The following LUZP2 variants were observed in gnomAD, a reference collection of about 807,000 sequenced individuals.
LUZP2 encodes the protein leucine zipper protein 2.
A neutral mutation model predicts 51.6 loss-of-function variants in LUZP2; 52 were observed. The observed-to-expected ratio is 1.01, with a 90% confidence interval of 0.81 to 1.27. LUZP2 has a LOEUF of 1.27. LUZP2 is among the 50% of genes most tolerant of loss of function. The pLI is 0.00. For missense variants in LUZP2, 436 were observed against 395.4 expected (o/e 1.10, Z -0.87); for synonymous variants, 154 against 137.3 (o/e 1.12, Z -0.85).
At chr11:24,866,400 A>G (rs1272456211) in intron 5 of LUZP2, among the ~76,000 whole-genome samples, 1 of 152,190 alleles carries the variant, frequency 6.6e-6, no homozygotes, top group South Asian at 2.1e-4. Context: ...GACTATCTCA[A>G]TATGCTATTG....
intron 1 of LUZP2, among the ~76,000 whole-genome samples, chr11:24,723,377 A>G (rs534551119): frequency 1.3e-5 from 2 of 152,354 alleles, no homozygotes; most frequent in East Asian, 1.9e-4. Context: ...ATATATACCC[A>G]GCATAAACGT....
intron 7 of LUZP2, among the ~76,000 whole-genome samples, chr11:24,920,060 A>G (rs570371743): frequency 1.3e-5 from 2 of 151,838 alleles, no homozygotes; most frequent in Non-Finnish European, 2.9e-5. Flanking sequence ...TGGTTTAAAG[A>G]TTTAAGTCAC....
Position 24,630,832 on chromosome 11 carries a change from A to C in LUZP2, c.63-98337A>C, listed in dbSNP as rs552709064. Among the ~76,000 whole-genome samples, 5 of 151,996 alleles carry C rather than the reference A, an allele frequency of 3.3e-5. No individual in the cohort carries two copies. In the East Asian group the frequency reaches 7.7e-4, roughly 24 times the overall value. On this transcript the variant is annotated intron_variant, in intron 1 of 11. Coordinates refer to ENST00000336930, the MANE Select transcript of LUZP2 (RefSeq NM_001009909.4). ...AGATTGTTTCTTCTGATCTATGAGC[A>C]TGGGGTGTTTTTCATTTGTTTGTGT...
chr11:24,991,718 C>T lies in LUZP2; in HGVS notation c.765+8425C>T, dbSNP rs118059392. Among the ~76,000 whole-genome samples the T allele has an allele frequency of 7.6e-4, 115 of 152,040 alleles. 1 individual carries two copies. In the East Asian group the frequency reaches 0.02, roughly 27 times the overall value. ...AGTAGTGTTCCCTGTTCACTGCAACCACACAAACATCTATTATTTTTTGAT... is the reference window on the plus strand; with the variant it reads ...AGTAGTGTTCCCTGTTCACTGCAACTACACAAACATCTATTATTTTTTGAT... On this transcript the variant is annotated intron_variant, in intron 9 of 11. Transcript: ENST00000336930.
At chr11:25,021,452 C>T (rs1470131431) in intron 9 of LUZP2, among the ~76,000 whole-genome samples, 2 of 150,310 alleles carry the variant, frequency 1.3e-5, no homozygotes, top group Admixed American at 1.3e-4. Flanking sequence ...TGTGTGTACA[C>T]ATGCAGGTGA....
At chr11:24,522,722 A>G (rs1004671448) in intron 1 of LUZP2, among the ~76,000 whole-genome samples, 1 of 152,076 alleles carries the variant, frequency 6.6e-6, no homozygotes, top group Non-Finnish European at 1.5e-5. Context: ...TAAATATACA[A>G]TCGTCTTTTT....
intron 1 of LUZP2, among the ~76,000 whole-genome samples, chr11:24,516,187 C>A (rs1158990782): frequency 1.3e-5 from 2 of 151,984 alleles, no homozygotes; most frequent in Admixed American, 6.5e-5. Context: ...ATTTTAAAGA[C>A]CTGACACTTA....
At chr11:24,512,255 T>A (rs2133778496) in intron 1 of LUZP2, among the ~76,000 whole-genome samples, 1 of 152,166 alleles carries the variant, frequency 6.6e-6, no homozygotes, top group African/African-American at 2.4e-5. Context: ...TGGTAGAATA[T>A]TGGTAGTATA....
intron 1 of LUZP2, among the ~76,000 whole-genome samples, chr11:24,678,234 T>C (rs1052965698): frequency 3.3e-5 from 5 of 152,168 alleles, no homozygotes; most frequent in Non-Finnish European, 7.3e-5. Flanking sequence ...TGGCCCATAG[T>C]AACCATTCAA....
At chr11:24,903,086 G>C (rs1175542336) in intron 5 of LUZP2, among the ~76,000 whole-genome samples, 2 of 152,092 alleles carry the variant, frequency 1.3e-5, no homozygotes, top group African/African-American at 4.8e-5. Context: ...CCTATCAAAT[G>C]TACATCCCCT....
At chr11:24,826,190 A>AAAAAATATAT (rs1215786412) in intron 5 of LUZP2, among the ~76,000 whole-genome samples, 3,119 of 67,582 alleles carry the variant, frequency 0.046, 146 homozygotes, top group Non-Finnish European at 0.061. Flanking sequence ...AAAAAAAAAA[A>AAAAAATATAT]ATATATATAT....
intron 1 of LUZP2, among the ~76,000 whole-genome samples, chr11:24,537,705 T>TTCA: frequency 6.6e-6 from 1 of 152,056 alleles, no homozygotes; most frequent in African/African-American, 2.4e-5. Context: ...GTCTAGTCTG[T>TTCA]GAAACTAAAG....
intron 7 of LUZP2, among the ~76,000 whole-genome samples, chr11:24,922,249 G>A (rs567894470): frequency 1.3e-5 from 2 of 152,108 alleles, no homozygotes; most frequent in Non-Finnish European, 2.9e-5. Context: ...AGACACCACA[G>A]TGGCATGTGT....
chr11:24,652,127 TGC>T (rs1026990268), intron 1 of LUZP2, among the ~76,000 whole-genome samples: 13 of 140,456 alleles, frequency 9.3e-5, no homozygotes, highest in African/African-American at 2.6e-4. Flanking sequence ...TGTGTGTGTG[TGC>T]GTATGTGTAT....
intron 5 of LUZP2, among the ~76,000 whole-genome samples, chr11:24,791,180 C>A (rs150291627): frequency 7.4e-4 from 112 of 152,194 alleles, no homozygotes; most frequent in African/African-American, 2.6e-3. Flanking sequence ...GTTTGAAATT[C>A]TTCTTAATGT....
rs527252998 is a variant in LUZP2, at chr11:25,003,985, C to T, written c.765+20692C>T. Among the ~76,000 whole-genome samples, 1,401 of 152,222 alleles carry T rather than the reference C, an allele frequency of 9.2e-3. 26 individuals carry two copies. Among genetic ancestry groups the T allele is most frequent in the African/African-American group, 0.032 (1,329 of 41,524 alleles). On this transcript the variant is annotated intron_variant, in intron 9 of 11. Coordinates refer to ENST00000336930, the MANE Select transcript of LUZP2 (RefSeq NM_001009909.4). Reference sequence around the variant, plus strand: ...TGTCCCAGGATTCCTCGGATGGTAACGGACCTTGAAGACAGTTGTCCAGGA... The same window carrying T: ...TGTCCCAGGATTCCTCGGATGGTAATGGACCTTGAAGACAGTTGTCCAGGA...
intron 5 of LUZP2, among the ~76,000 whole-genome samples, chr11:24,822,760 TG>T (rs1208023859): frequency 6.6e-6 from 1 of 152,220 alleles, no homozygotes; most frequent in Admixed American, 6.5e-5. Context: ...GATATAATTC[TG>T]TAACATGATT....
chr11:24,776,610 A>G (rs1848934212), intron 5 of LUZP2, among the ~76,000 whole-genome samples: 1 of 152,226 alleles, frequency 6.6e-6, no homozygotes, highest in Non-Finnish European at 1.5e-5. Flanking sequence ...GCTGTTCCCA[A>G]GTCATATGTG....
intron 1 of LUZP2, among the ~76,000 whole-genome samples, chr11:24,539,418 G>A (rs1851285688): frequency 6.6e-6 from 1 of 151,822 alleles, no homozygotes; most frequent in Non-Finnish European, 1.5e-5. Flanking sequence ...ATATGGTAAT[G>A]CTAATTATAA....
Sources: allele counts gnomAD v4.1 joint callset (sites outside exome capture counted in the v4.1 genomes callset), GRCh38; gene constraint gnomAD v4.1.1; transcripts MANE v1.5; gene names NCBI Gene and HGNC (gene_info 2026-07-23, HGNC 2026-07-21).